The following STK39 variants were observed in gnomAD, a reference collection of about 807,000 sequenced individuals.
STK39 encodes STE20/SPS1-related proline-alanine-rich protein kinase.
Under a neutral mutation model 77.8 loss-of-function variants are expected in STK39, and 20 were observed. That is an observed-to-expected ratio of 0.26 (90% CI 0.18 to 0.37). STK39 has a LOEUF of 0.37. Ranked by LOEUF, STK39 falls within the 10% of genes least tolerant of loss-of-function variation. The probability of loss-of-function intolerance (pLI) is 1.00; values close to 1 mark genes in which losing one functional copy is unlikely to be tolerated. For missense variants in STK39, 479 were observed against 656.5 expected, an observed-to-expected ratio of 0.73 and a Z score of 2.95; for synonymous variants, 246 against 234.1, an observed-to-expected ratio of 1.05 and a Z score of -0.47.
chr2:168,060,721 C>G (rs1356196917), intron 14 of STK39, among the ~76,000 whole-genome samples: 1 of 152,170 alleles, frequency 6.6e-6, no homozygotes, highest in Non-Finnish European at 1.5e-5. Context: ...TTAACTTCAG[C>G]AACATATATA....
At chr2:168,000,495 C>G (rs909141669) in intron 16 of STK39, among the ~76,000 whole-genome samples, 29 of 152,304 alleles carry the variant, frequency 1.9e-4, no homozygotes, top group African/African-American at 6.5e-4. Flanking sequence ...TGTCCTCTAA[C>G]CTGTATTCTA....
chr2:168,141,799 C>G lies in STK39; in HGVS notation c.629-1041G>C, dbSNP rs536246010. On this transcript the variant is annotated intron_variant, in intron 5 of 17. Transcript: ENST00000355999. Reference sequence around the variant, plus strand: ...TCCCCCTTGTTGGCTGTCAGGGTGACAGCAATTACCAAAAAACACCCTCAA... The same window carrying G: ...TCCCCCTTGTTGGCTGTCAGGGTGAGAGCAATTACCAAAAAACACCCTCAA... Among the ~76,000 whole-genome samples, 8 of 152,266 alleles carry G rather than the reference C, an allele frequency of 5.3e-5. No homozygotes were observed. The East Asian group carries it at 5.8e-4, about 11-fold the overall frequency.
chr2:167,980,327 C>T (rs1423840661), intron 16 of STK39, among the ~76,000 whole-genome samples: 1 of 152,194 alleles, frequency 6.6e-6, no homozygotes, highest in Non-Finnish European at 1.5e-5. Flanking sequence ...AAAGGCAACA[C>T]ATAACTTCCC....
At chr2:168,179,709 A>C (rs2105624661) in intron 2 of STK39, among the ~76,000 whole-genome samples, 1 of 152,338 alleles carries the variant, frequency 6.6e-6, no homozygotes, top group East Asian at 1.9e-4. Context: ...TTAGATAGAC[A>C]GCTCTACCTA....
intron 10 of STK39, among the ~76,000 whole-genome samples, chr2:168,116,300 A>C (rs1687256111): frequency 6.6e-6 from 1 of 152,180 alleles, no homozygotes; most frequent in African/African-American, 2.4e-5. Context: ...AAGTTGTACA[A>C]GGGCGCCTTA....
At chr2:168,017,122 A>G (rs1252580704) in intron 14 of STK39, 27 bp from the exon 15 acceptor site, 2 of 1,533,326 alleles carry the variant, frequency 1.3e-6, no homozygotes, top group Non-Finnish European at 8.9e-7. Context: ...ATAATACATT[A>G]AAGTCTAGGG....
At position 168,118,748 on chromosome 2, in the gene STK39, A is replaced by G. The variant is rs529228917; in HGVS notation, c.1089+10793T>C. ...TGCGAACACCAGTCAAGCCACAGACACAGAGCAAAAGGAAAAAATCTACGG... is the reference window on the plus strand; with the variant it reads ...TGCGAACACCAGTCAAGCCACAGACGCAGAGCAAAAGGAAAAAATCTACGG... On this transcript the variant is annotated intron_variant, in intron 10 of 17. Transcript: ENST00000355999. 2.0e-5 allele frequency among the ~76,000 whole-genome samples: 3 copies of G among 152,220 alleles called. No individual in the cohort carries two copies. The East Asian group carries it at 5.8e-4, about 29-fold the overall frequency.
intron 16 of STK39, 116 bp downstream of exon 16, chr2:168,012,518 A>G: frequency 1.3e-6 from 1 of 796,284 alleles, no homozygotes; most frequent in Non-Finnish European, 2.0e-6. Context: ...TAAGAATTCA[A>G]GAAGAATTCT....
At chr2:168,129,498 G>A (rs1433383276) in intron 10 of STK39, 43 bp downstream of exon 10, 1 of 1,606,160 alleles carries the variant, frequency 6.2e-7, no homozygotes, top group East Asian at 2.2e-5. Context: ...TCATTTCCCT[G>A]GGGATTGGTT....
chr2:168,172,427 C>T (rs536743824), intron 2 of STK39, among the ~76,000 whole-genome samples: 6 of 152,286 alleles, frequency 3.9e-5, no homozygotes, highest in Admixed American at 3.9e-4. Flanking sequence ...CATGTTTTTC[C>T]TAATTTCACC....
chr2:168,039,709 G>T (rs1346344342), intron 14 of STK39, among the ~76,000 whole-genome samples: 4 of 152,036 alleles, frequency 2.6e-5, no homozygotes, highest in Non-Finnish European at 5.9e-5. Flanking sequence ...AGAAGGAAAT[G>T]TTCTGTGTCT....
intron 10 of STK39, among the ~76,000 whole-genome samples, chr2:168,077,069 G>T (rs1430848972): frequency 6.6e-6 from 1 of 152,128 alleles, no homozygotes; most frequent in Non-Finnish European, 1.5e-5. Context: ...CATTGAAAAG[G>T]AAGAATTTAA....
At chr2:168,133,297 G>A (rs1156375332) in intron 8 of STK39, among the ~76,000 whole-genome samples, 1 of 152,106 alleles carries the variant, frequency 6.6e-6, no homozygotes, top group African/African-American at 2.4e-5. Context: ...TCCTTTCTCT[G>A]CACTCCACTC....
chr2:168,084,773 C>T (rs1392091827), intron 10 of STK39, among the ~76,000 whole-genome samples: 1 of 152,190 alleles, frequency 6.6e-6, no homozygotes, highest in Non-Finnish European at 1.5e-5. Flanking sequence ...AATCTCTCCA[C>T]ACATCAAACA....
chr2:168,221,521 C>T (rs141418152), intron 1 of STK39, among the ~76,000 whole-genome samples: 84 of 152,214 alleles, frequency 5.5e-4, no homozygotes, highest in Non-Finnish European at 9.7e-4. Flanking sequence ...ACAACTAGTC[C>T]GCAAGACAGA....
chr2:168,105,295 A>C (rs1559099347), intron 10 of STK39, among the ~76,000 whole-genome samples: 1 of 152,200 alleles, frequency 6.6e-6, no homozygotes, highest in South Asian at 2.1e-4. Context: ...CTCCAACCTA[A>C]TCTTCACTGG....
intron 14 of STK39, among the ~76,000 whole-genome samples, chr2:168,029,969 G>A (rs1180114200): frequency 2.6e-5 from 4 of 152,134 alleles, no homozygotes; most frequent in African/African-American, 7.2e-5. Flanking sequence ...GGCCGGGTGC[G>A]GTGGCTCATG....
chr2:168,127,711 T>C (rs1172750660), intron 10 of STK39, among the ~76,000 whole-genome samples: 1 of 152,242 alleles, frequency 6.6e-6, no homozygotes, highest in Non-Finnish European at 1.5e-5. Flanking sequence ...TGTTTTTGTT[T>C]AATTTTGGAA....
At chr2:168,089,435 C>T (rs539512369) in intron 10 of STK39, among the ~76,000 whole-genome samples, 2 of 152,148 alleles carry the variant, frequency 1.3e-5, no homozygotes, top group African/African-American at 4.8e-5. Flanking sequence ...TGTTTCTAAA[C>T]AAGGTACAAA....
Sources: gnomAD v4.1 joint callset for allele counts (sites outside exome capture counted in the v4.1 genomes callset) on GRCh38, gnomAD v4.1.1 for gene constraint, MANE v1.5 for transcripts, NCBI Gene and HGNC (gene_info 2026-07-23, HGNC 2026-07-21) for gene names.